The following ITPRID1 variants were observed in gnomAD, a reference collection of about 807,000 sequenced individuals.
ITPRID1 encodes the protein protein ITPRID1.
ITPRID1 carries 96 observed loss-of-function variants against 95.4 expected under a neutral mutation model. The observed-to-expected ratio is 1.01, with a 90% CI of 0.85 to 1.19. The LOEUF is 1.19. Among genes scored for constraint, ITPRID1 ranks in the 50% most tolerant of loss-of-function variants. The pLI is 0.00. For synonymous variants in ITPRID1, 510 were observed against 453.6 expected, an observed-to-expected ratio of 1.12 and a Z score of -1.58; for missense variants, 1,339 against 1,252.9, an observed-to-expected ratio of 1.07 and a Z score of -1.04.
intron 10 of ITPRID1, among the ~76,000 whole-genome samples, chr7:31,592,947 C>A (rs1342579974): frequency 2.0e-5 from 3 of 152,184 alleles, no homozygotes; most frequent in Non-Finnish European, 2.9e-5. Context: ...ATAATGCTTA[C>A]TTTAAAATGA....
intron 1 of ITPRID1, among the ~76,000 whole-genome samples, chr7:31,548,772 T>C (rs1352771196): frequency 6.6e-6 from 1 of 152,114 alleles, no homozygotes. Context: ...GTGTAGGTAA[T>C]ATGAGTGGTA....
At chr7:31,541,582 A>T (rs1783934200) in intron 1 of ITPRID1, among the ~76,000 whole-genome samples, 1 of 152,200 alleles carries the variant, frequency 6.6e-6, no homozygotes, top group South Asian at 2.1e-4. Flanking sequence ...ATATATCAGA[A>T]TTATAGGAGT....
In ITPRID1 at chr7:31,540,384, T is replaced by A. The variant is rs527634502; in HGVS notation, c.-97-9042T>A. Among the ~76,000 whole-genome samples the A allele has an allele frequency of 6.6e-5, 10 of 152,302 alleles. No homozygotes were observed. The East Asian group carries it at 1.9e-3, about 29-fold the overall frequency. On this transcript the variant is annotated intron_variant, in intron 1 of 14. Transcript: ENST00000615280. ...ACATCTAGTTTTCAGTTCATAGGGC[T>A]TCAGGACACAGCTTATTTTGGAAAC...
intron 10 of ITPRID1, among the ~76,000 whole-genome samples, chr7:31,588,458 C>G (rs1269699883): frequency 1.3e-5 from 2 of 151,554 alleles, no homozygotes; most frequent in African/African-American, 4.9e-5. Context: ...CGGTGAAACT[C>G]TGTCTCTACT....
intron 10 of ITPRID1, among the ~76,000 whole-genome samples, chr7:31,584,171 ACAG>A (rs1785504579): frequency 6.6e-6 from 1 of 152,240 alleles, no homozygotes. Context: ...CCAGCAAAAT[ACAG>A]CAGATGAAGC....
intron 5 of ITPRID1, among the ~76,000 whole-genome samples, chr7:31,564,562 C>A (rs559985842): frequency 6.6e-6 from 1 of 152,024 alleles, no homozygotes; most frequent in Non-Finnish European, 1.5e-5. Flanking sequence ...CCCTAGCGAG[C>A]GGTCTTGTGT....
intron 1 of ITPRID1, among the ~76,000 whole-genome samples, chr7:31,536,530 C>T (rs1331395396): frequency 6.6e-6 from 1 of 151,954 alleles, no homozygotes; most frequent in African/African-American, 2.4e-5. Context: ...TTTCTGTTTC[C>T]TATAATTTCT....
At chr7:31,651,859 C>G in intron 13 of ITPRID1, 80 bp from the exon 14 acceptor site, 2 of 916,306 alleles carry the variant, frequency 2.2e-6, no homozygotes, top group Non-Finnish European at 3.4e-6. Context: ...AAAGGAAGAA[C>G]CTATATTATG....
intron 10 of ITPRID1, among the ~76,000 whole-genome samples, chr7:31,640,136 C>A (rs956541956): frequency 6.6e-6 from 1 of 152,134 alleles, no homozygotes; most frequent in East Asian, 1.9e-4. Context: ...ACCAGAGCAG[C>A]GGTCATTCTA....
chr7:31,599,627 TTCTTTC>T (rs1391259391), intron 10 of ITPRID1, among the ~76,000 whole-genome samples: 3 of 59,916 alleles, frequency 5.0e-5, no homozygotes, highest in Admixed American at 1.6e-4. Flanking sequence ...CTTTCTTTCT[TTCTTTC>T]TTTCTTTCTT....
intron 10 of ITPRID1, among the ~76,000 whole-genome samples, chr7:31,589,230 G>A (rs1183483052): frequency 6.6e-6 from 1 of 152,096 alleles, no homozygotes; most frequent in East Asian, 1.9e-4. Context: ...ATGAAAGAAA[G>A]ACTTGGTGGA....
intron 5 of ITPRID1, among the ~76,000 whole-genome samples, chr7:31,565,188 G>A (rs112785960): frequency 6.6e-6 from 1 of 152,254 alleles, no homozygotes; most frequent in African/African-American, 2.4e-5. Context: ...TCACAGTAAC[G>A]CTGTGAAAAT....
intron 7 of ITPRID1, among the ~76,000 whole-genome samples, chr7:31,574,222 T>C (rs1308735687): frequency 6.6e-6 from 1 of 152,048 alleles, no homozygotes; most frequent in Non-Finnish European, 1.5e-5. Flanking sequence ...TGTTTTTGGT[T>C]GTCAGTGCAC....
chr7:31,616,026 A>G (rs1255887018), intron 10 of ITPRID1, among the ~76,000 whole-genome samples: 1 of 152,106 alleles, frequency 6.6e-6, no homozygotes, highest in African/African-American at 2.4e-5. Context: ...TACAGGTGTG[A>G]GCCACCGCAC....
At chr7:31,539,526 T>TGA (rs1456812831) in intron 1 of ITPRID1, among the ~76,000 whole-genome samples, 1 of 152,198 alleles carries the variant, frequency 6.6e-6, no homozygotes, top group African/African-American at 2.4e-5. Context: ...AGAGCACAAC[T>TGA]GATAGATCAT....
At chr7:31,550,252 G>A (rs2128135700) in intron 2 of ITPRID1, among the ~76,000 whole-genome samples, 1 of 148,654 alleles carries the variant, frequency 6.7e-6, no homozygotes. Flanking sequence ...TCCCACATGA[G>A]TAGAAGTTTT....
intron 1 of ITPRID1, among the ~76,000 whole-genome samples, chr7:31,522,554 A>G (rs1783299416): frequency 6.6e-6 from 1 of 152,146 alleles, no homozygotes; most frequent in African/African-American, 2.4e-5. Flanking sequence ...GAGCAAGTCC[A>G]TATTACTCAA....
intron 1 of ITPRID1, among the ~76,000 whole-genome samples, chr7:31,523,230 C>A (rs1485325573): frequency 6.6e-6 from 1 of 152,146 alleles, no homozygotes; most frequent in African/African-American, 2.4e-5. Context: ...GCATTCTAGT[C>A]TTACTAATCA....
intron 10 of ITPRID1, among the ~76,000 whole-genome samples, chr7:31,595,345 T>TACACACACACACACACAC (rs58632355): frequency 0.01 from 1,490 of 147,106 alleles, 19 homozygotes; most frequent in Middle Eastern, 0.042. Context: ...ATGCCCGGCC[T>TACACACACACACACACAC]ACACACACAC....
Sources: allele counts gnomAD v4.1 joint callset (sites outside exome capture counted in the v4.1 genomes callset), GRCh38; gene constraint gnomAD v4.1.1; transcripts MANE v1.5; gene names NCBI Gene and HGNC (gene_info 2026-07-23, HGNC 2026-07-21).